The following DMD variants were observed in gnomAD, a reference collection of about 807,000 sequenced individuals.
DMD encodes mutant dystrophin.
In DMD, 63 loss-of-function variants were observed where a neutral mutation model predicts 330.1. That is an observed-to-expected ratio of 0.19 (90% CI 0.16 to 0.24). The LOEUF (loss-of-function observed/expected upper bound fraction) is 0.24, where lower values mean the gene tolerates loss of function less well. Ranked by LOEUF, DMD falls within the 10% of genes least tolerant of loss-of-function variation. DMD has a pLI of 1.00. For synonymous variants in DMD, 1,223 were observed against 959.8 expected, an observed-to-expected ratio of 1.27 and a Z score of -5.07; for missense variants, 3,344 against 2,684.1, an observed-to-expected ratio of 1.25 and a Z score of -5.43.
intron 1 of DMD, among the ~76,000 whole-genome samples, chrX:33,045,318 A>ACACACACACACACG (rs1272205851): frequency 3.7e-5 from 4 of 107,266 alleles, no homozygotes; most frequent in Non-Finnish European, 7.7e-5. Context: ...AGGTGCGTAC[A>ACACACACACACACG]CACACACACA....
chrX:31,616,365 G>A (rs1001289430), intron 55 of DMD, among the ~76,000 whole-genome samples: 1 of 111,524 alleles, frequency 9.0e-6, no homozygotes, highest in African/African-American at 3.3e-5. Context: ...CAAGATCATC[G>A]AAAGACACAG....
intron 1 of DMD, among the ~76,000 whole-genome samples, chrX:33,151,048 G>C (rs1224665233): frequency 1.8e-5 from 2 of 112,538 alleles, no homozygotes; most frequent in Non-Finnish European, 3.7e-5. Flanking sequence ...GCAGTGATAA[G>C]GAGAGGTCAG....
At chrX:31,433,015 T>C (rs1479906956) in intron 60 of DMD, among the ~76,000 whole-genome samples, 22 of 111,650 alleles carry the variant, frequency 2.0e-4, no homozygotes, top group Non-Finnish European at 9.4e-5. Flanking sequence ...GTAGTGAGTA[T>C]AGTACTCGAT....
chrX:33,223,313 T>TCAAA (rs765115414), intron 1 of DMD, among the ~76,000 whole-genome samples: 7 of 111,266 alleles, frequency 6.3e-5, no homozygotes, highest in East Asian at 2.8e-4. Flanking sequence ...AGACTCCATC[T>TCAAA]CAAACAAACA....
chrX:31,412,314 A>G (rs1038947216), intron 60 of DMD, among the ~76,000 whole-genome samples: 2 of 110,813 alleles, frequency 1.8e-5, no homozygotes, highest in Non-Finnish European at 3.8e-5. Context: ...GATTGTCCCC[A>G]TATATTTTCC....
At chrX:32,712,881 T>C (rs534398637) in intron 7 of DMD, among the ~76,000 whole-genome samples, 2 of 111,734 alleles carry the variant, frequency 1.8e-5, no homozygotes, top group African/African-American at 3.2e-5. Flanking sequence ...TACATTGTAA[T>C]AAAGTATTTA....
intron 1 of DMD, chrX:33,041,758 C>G: frequency 6.1e-6 from 7 of 1,150,371 alleles, no homozygotes; most frequent in Non-Finnish European, 8.3e-6. Flanking sequence ...GCATTAAATC[C>G]TGGGGTCCAT....
intron 63 of DMD, among the ~76,000 whole-genome samples, chrX:31,224,076 T>C (rs988462282): frequency 2.7e-5 from 3 of 111,639 alleles, no homozygotes; most frequent in African/African-American, 9.8e-5. Context: ...TGATAGATAC[T>C]GGGCTACATT....
At chrX:32,044,747 TTAC>T (rs1336689638) in intron 44 of DMD, among the ~76,000 whole-genome samples, 1 of 112,054 alleles carries the variant, frequency 8.9e-6, no homozygotes, top group Admixed American at 9.5e-5. Flanking sequence ...ACTATCGTTA[TTAC>T]TACTATTATT....
At chrX:31,906,975 C>T (rs1477370243) in intron 47 of DMD, among the ~76,000 whole-genome samples, 1 of 112,156 alleles carries the variant, frequency 8.9e-6, no homozygotes, top group Non-Finnish European at 1.9e-5. Flanking sequence ...CACACAGAAA[C>T]AGAAAATACT....
At chrX:32,737,040 A>C (rs1307748653) in intron 7 of DMD, among the ~76,000 whole-genome samples, 1 of 111,332 alleles carries the variant, frequency 9.0e-6, no homozygotes, top group African/African-American at 3.3e-5. Flanking sequence ...TCATGCTCAT[A>C]AATAGAGTAA....
intron 62 of DMD, among the ~76,000 whole-genome samples, chrX:31,279,055 T>C (rs2052408314): frequency 8.9e-6 from 1 of 112,521 alleles, no homozygotes; most frequent in Non-Finnish European, 1.9e-5. Context: ...GTGACCAGCT[T>C]TGAAAGTTAC....
chrX:33,012,725 AT>A (rs1316085456), intron 2 of DMD, among the ~76,000 whole-genome samples: 1 of 111,101 alleles, frequency 9.0e-6, no homozygotes, highest in Non-Finnish European at 1.9e-5. Context: ...GTGTGAAATG[AT>A]TTTGCCCAGC....
At chrX:32,694,701 T>A (rs1220226541) in intron 9 of DMD, among the ~76,000 whole-genome samples, 2 of 112,036 alleles carry the variant, frequency 1.8e-5, no homozygotes, top group African/African-American at 6.5e-5. Context: ...TTGTTGCCCA[T>A]GCTGTAGTGC....
intron 11 of DMD, among the ~76,000 whole-genome samples, chrX:32,635,896 T>C (rs976921606): frequency 8.9e-6 from 1 of 111,804 alleles, no homozygotes; most frequent in African/African-American, 3.3e-5. Context: ...CTAGTTCTCA[T>C]GCTAACTTTC....
intron 62 of DMD, among the ~76,000 whole-genome samples, chrX:31,317,506 GA>G (rs1243864271): frequency 2.0e-5 from 2 of 98,114 alleles, no homozygotes; most frequent in African/African-American, 4.1e-5. Context: ...AAGAAATGAG[GA>G]AATTTTTTTT....
chrX:31,660,453 G>A (rs906255889), intron 53 of DMD, among the ~76,000 whole-genome samples: 5 of 111,812 alleles, frequency 4.5e-5, no homozygotes, highest in Admixed American at 2.9e-4. Flanking sequence ...TCCAAGATAC[G>A]AAAGAACATG....
At chrX:31,148,003 A>G (rs1300476123) in intron 74 of DMD, among the ~76,000 whole-genome samples, 2 of 111,526 alleles carry the variant, frequency 1.8e-5, no homozygotes, top group African/African-American at 6.5e-5. Context: ...ATCATTTGCC[A>G]TATTTTCTTC....
Position 32,342,824 on chromosome X carries a change from C to T in DMD, c.5739+310G>A, listed in dbSNP as rs773296423. 1.6e-4 allele frequency: 59 copies of T among 373,768 alleles called. No homozygotes were observed. The highest frequency in any genetic ancestry group is 1.4e-3 in the South Asian group (53 of 38,348). The allele number at this position is 373,768 out of a possible 1,213,427, so 30.8% of individuals were successfully genotyped here. On this transcript the variant is annotated intron_variant, in intron 40 of 78. Transcript: ENST00000357033. ...TGGGCTAACATGAGTAAGAAGTCGT[C>T]CATATACCGATAAGTCATTAGTTCA...
Sources: gnomAD v4.1 joint callset for allele counts (sites outside exome capture counted in the v4.1 genomes callset) on GRCh38, gnomAD v4.1.1 for gene constraint, MANE v1.5 for transcripts, NCBI Gene and HGNC (gene_info 2026-07-23, HGNC 2026-07-21) for gene names.